PTPRQ: variants seen among roughly 807,000 people sequenced by gnomAD.
The protein encoded by PTPRQ is phosphatidylinositol phosphatase PTPRQ.
A neutral mutation model predicts 246.0 loss-of-function variants in PTPRQ; 199 were observed. The ratio of observed to expected loss-of-function variants is 0.81; its 90% CI spans 0.72 to 0.91. The LOEUF is 0.91. Ranked by LOEUF, PTPRQ falls within the 40% of genes least tolerant of loss-of-function variation. The pLI is 0.00. For synonymous variants in PTPRQ, 869 were observed against 853.2 expected (o/e 1.02, Z -0.32); for missense variants, 2,624 against 2,528.4 (o/e 1.04, Z -0.81).
At chr12:80,614,323 G>T (rs1005056635) in intron 29 of PTPRQ, among the ~76,000 whole-genome samples, 2 of 150,692 alleles carry the variant, frequency 1.3e-5, no homozygotes, top group Non-Finnish European at 3.0e-5. Flanking sequence ...AGAAATGTAT[G>T]CATGAGTTCA....
intron 25 of PTPRQ, among the ~76,000 whole-genome samples, chr12:80,552,648 TATATA>T (rs1896516856): frequency 1.0e-3 from 4 of 3,914 alleles, no homozygotes; most frequent in Non-Finnish European, 2.5e-3. Flanking sequence ...AAAAAAATTA[TATATA>T]TATATATATA....
intron 44 of PTPRQ, 76 bp from the exon 45 acceptor site, chr12:80,678,910 A>AT (rs1901231617): frequency 3.4e-6 from 5 of 1,481,628 alleles, no homozygotes; most frequent in African/African-American, 1.4e-5. Flanking sequence ...TCTACATTAT[A>AT]TTTTTATCAT....
At chr12:80,649,709 A>T (rs1900194477) in intron 37 of PTPRQ, 40 bp downstream of exon 37, 3 of 1,522,170 alleles carry the variant, frequency 2.0e-6, no homozygotes, top group Admixed American at 2.1e-5. Context: ...CAAGACCTCC[A>T]GTCGTTTCAT....
chr12:80,449,521 A>C (rs1246624983), intron 3 of PTPRQ, among the ~76,000 whole-genome samples: 1 of 152,162 alleles, frequency 6.6e-6, no homozygotes, highest in Non-Finnish European at 1.5e-5. Flanking sequence ...CTAACATTTA[A>C]GTCTTTAATC....
chr12:80,568,279 A>C (rs1339923245), intron 25 of PTPRQ, among the ~76,000 whole-genome samples: 1 of 152,160 alleles, frequency 6.6e-6, no homozygotes, highest in Non-Finnish European at 1.5e-5. Flanking sequence ...ACTTATCAAG[A>C]ATTTTTTTTC....
intron 6 of PTPRQ, among the ~76,000 whole-genome samples, chr12:80,467,419 C>G (rs1893464926): frequency 6.6e-6 from 1 of 152,066 alleles, no homozygotes; most frequent in African/African-American, 2.4e-5. Flanking sequence ...GGACTGTAAA[C>G]TAGTTCAACC....
rs1896403265 is a variant in PTPRQ at position 80,549,451 on chromosome 12, G to A, written c.4016-14G>A. On this transcript the variant is annotated splice_polypyrimidine_tract_variant and intron_variant, in intron 24 of 44. Coordinates refer to ENST00000644991, the MANE Select transcript of PTPRQ (RefSeq NM_001145026.2). Reference sequence around the variant, plus strand: ...GTATACACTTTAACTTTGGGCATATGTTTATCTCTTAAGTTCCAGATGTCG... The same window carrying A: ...GTATACACTTTAACTTTGGGCATATATTTATCTCTTAAGTTCCAGATGTCG... 3 of 1,533,266 alleles carry A rather than the reference G, an allele frequency of 2.0e-6. No individual in the cohort carries two copies. Among genetic ancestry groups the A allele is most frequent in the African/African-American group, 1.4e-5 (1 of 72,572 alleles). The allele number at this position is 1,533,266 out of a possible 1,614,324, so 95.0% of individuals were successfully genotyped here. A position where few individuals can be genotyped will look rare whatever the true frequency, so the allele number is the denominator to read the frequency against.
intron 42 of PTPRQ, among the ~76,000 whole-genome samples, chr12:80,671,017 CT>C (rs1900952256): frequency 6.6e-6 from 1 of 151,914 alleles, no homozygotes; most frequent in East Asian, 1.9e-4. Context: ...GTAACAATAA[CT>C]TTTAATATTT....
intron 9 of PTPRQ, among the ~76,000 whole-genome samples, chr12:80,491,003 G>T (rs2120636826): frequency 6.6e-6 from 1 of 152,040 alleles, no homozygotes; most frequent in Admixed American, 6.6e-5. Context: ...CAAAGCCAAT[G>T]TTCAAATCAT....
At chr12:80,523,410 T>A (rs1895574506) in intron 17 of PTPRQ, among the ~76,000 whole-genome samples, 2 of 152,336 alleles carry the variant, frequency 1.3e-5, no homozygotes, top group Admixed American at 6.5e-5. Flanking sequence ...CTGCTAGCTT[T>A]TGAATGTGTT....
intron 26 of PTPRQ, among the ~76,000 whole-genome samples, chr12:80,604,399 A>T (rs1478668471): frequency 6.6e-6 from 1 of 151,558 alleles, no homozygotes; most frequent in Non-Finnish European, 1.5e-5. Context: ...CATTTTTAAG[A>T]TATTGTCTCT....
chr12:80,557,658 A>G (rs2120902538), intron 25 of PTPRQ, among the ~76,000 whole-genome samples: 2 of 152,286 alleles, frequency 1.3e-5, no homozygotes, highest in Middle Eastern at 6.8e-3. Context: ...AACATTTTAA[A>G]GATAGTTGTA....
chr12:80,673,004 A>G (rs1650192150), intron 42 of PTPRQ, among the ~76,000 whole-genome samples, 165 bp from the exon 43 acceptor site: 1 of 152,136 alleles, frequency 6.6e-6, no homozygotes, highest in South Asian at 2.1e-4. Flanking sequence ...TTTAAACACA[A>G]TCTTGGTAAC....
intron 25 of PTPRQ, among the ~76,000 whole-genome samples, chr12:80,569,250 T>A (rs1897071611): frequency 6.6e-6 from 1 of 151,426 alleles, no homozygotes; most frequent in Non-Finnish European, 1.5e-5. Context: ...CTGAGAATGA[T>A]GATTTCCAAT....
chr12:80,596,490 T>A (rs2121050523), intron 26 of PTPRQ, among the ~76,000 whole-genome samples: 1 of 152,056 alleles, frequency 6.6e-6, no homozygotes, highest in African/African-American at 2.4e-5. Flanking sequence ...GGAAATTTTC[T>A]CCCCATTAAT....
intron 17 of PTPRQ, among the ~76,000 whole-genome samples, chr12:80,514,084 A>G (rs981453915): frequency 6.6e-6 from 1 of 152,158 alleles, no homozygotes; most frequent in African/African-American, 2.4e-5. Flanking sequence ...AGGTGTTGTC[A>G]CCACTTAATC....
chr12:80,644,197 A>T (rs1040496292), intron 35 of PTPRQ, among the ~76,000 whole-genome samples: 6 of 152,196 alleles, frequency 3.9e-5, no homozygotes, highest in Non-Finnish European at 8.8e-5. Flanking sequence ...GAGTAATCTG[A>T]GTGGAATTTA....
At chr12:80,477,514 G>A (rs954262951) in intron 8 of PTPRQ, among the ~76,000 whole-genome samples, 1 of 152,164 alleles carries the variant, frequency 6.6e-6, no homozygotes. Context: ...CGAGAACAAT[G>A]TTTAGAAATT....
chr12:80,650,456 A>G (rs1051133263), intron 37 of PTPRQ, among the ~76,000 whole-genome samples: 1 of 152,024 alleles, frequency 6.6e-6, no homozygotes, highest in African/African-American at 2.4e-5. Flanking sequence ...AGAAAGACAG[A>G]TTTCTACATG....
Sources: allele counts gnomAD v4.1 joint callset (sites outside exome capture counted in the v4.1 genomes callset), GRCh38; gene constraint gnomAD v4.1.1; transcripts MANE v1.5; gene names NCBI Gene and HGNC (gene_info 2026-07-23, HGNC 2026-07-21).